CNTN5: variants seen among roughly 807,000 people sequenced by gnomAD.
CNTN5 encodes the protein contactin-5.
Under a neutral mutation model 129.1 loss-of-function variants are expected in CNTN5, and 77 were observed. That is an observed-to-expected ratio of 0.60 (90% confidence interval 0.50 to 0.72). The LOEUF is 0.72. CNTN5 is among the 30% of genes least tolerant of loss of function. The pLI, the probability that CNTN5 is intolerant of heterozygous loss-of-function variation, is 0.00. For missense variants in CNTN5, 1,478 were observed against 1,328.8 expected (o/e 1.11, Z -1.75); for synonymous variants, 509 against 465.6 (o/e 1.09, Z -1.20).
At chr11:99,548,664 T>A (rs1236658632) in intron 2 of CNTN5, among the ~76,000 whole-genome samples, 1 of 152,250 alleles carries the variant, frequency 6.6e-6, no homozygotes, top group Non-Finnish European at 1.5e-5. Flanking sequence ...TATTCTCATT[T>A]GTTTGTATCT....
intron 9 of CNTN5, among the ~76,000 whole-genome samples, chr11:100,042,727 T>C (rs946232399): frequency 1.3e-5 from 2 of 152,236 alleles, no homozygotes; most frequent in African/African-American, 2.4e-5. Context: ...ATCCTGTCAC[T>C]TTGATGGTGC....
chr11:100,227,830 C>T (rs1287922285), intron 16 of CNTN5, among the ~76,000 whole-genome samples: 9 of 151,998 alleles, frequency 5.9e-5, no homozygotes, highest in Non-Finnish European at 1.3e-4. Context: ...GAGTAGAACT[C>T]GATCATGCTA....
intron 1 of CNTN5, among the ~76,000 whole-genome samples, chr11:99,087,541 A>C (rs1224460636): frequency 6.6e-6 from 1 of 152,208 alleles, no homozygotes; most frequent in African/African-American, 2.4e-5. Flanking sequence ...TGGAAGGGAC[A>C]TAATACTCAT....
chr11:99,971,995 A>C (rs866267073), intron 8 of CNTN5, among the ~76,000 whole-genome samples: 110 of 150,132 alleles, frequency 7.3e-4, no homozygotes, highest in Non-Finnish European at 1.3e-3. Context: ...CACGCCTGTA[A>C]TCCCAGCACT....
At chr11:99,608,864 T>G (rs548359005) in intron 3 of CNTN5, among the ~76,000 whole-genome samples, 1 of 152,202 alleles carries the variant, frequency 6.6e-6, no homozygotes, top group Non-Finnish European at 1.5e-5. Context: ...TCAATAGTTA[T>G]GAATGTTCAT....
intron 3 of CNTN5, among the ~76,000 whole-genome samples, chr11:99,788,649 T>G (rs1375068522): frequency 1.3e-5 from 2 of 151,880 alleles, no homozygotes; most frequent in East Asian, 3.9e-4. Flanking sequence ...ACAACTTTAT[T>G]ATATATGCAG....
intron 2 of CNTN5, among the ~76,000 whole-genome samples, chr11:99,496,135 A>G (rs931652062): frequency 1.3e-5 from 2 of 152,220 alleles, no homozygotes; most frequent in Non-Finnish European, 2.9e-5. Context: ...GATTCTTTAT[A>G]CATGCTTATT....
chr11:99,997,504 C>T (rs543592791), intron 8 of CNTN5, among the ~76,000 whole-genome samples: 1 of 152,230 alleles, frequency 6.6e-6, no homozygotes, highest in Admixed American at 6.5e-5. Flanking sequence ...GCAATTGTGG[C>T]AATAATCAAT....
intron 13 of CNTN5, among the ~76,000 whole-genome samples, chr11:100,131,529 A>T (rs1946379396): frequency 6.6e-6 from 1 of 152,056 alleles, no homozygotes; most frequent in East Asian, 1.9e-4. Context: ...TGACACAAAA[A>T]GCCTGGACTT....
chr11:99,794,200 T>G (rs1052643391), intron 3 of CNTN5, among the ~76,000 whole-genome samples: 2 of 151,868 alleles, frequency 1.3e-5, no homozygotes, highest in African/African-American at 4.8e-5. Context: ...TTTTTTAATC[T>G]TCGTAGGCTT....
chr11:99,382,845 C>CTTTTTTTTTTT (rs1163660333), intron 2 of CNTN5, among the ~76,000 whole-genome samples: 4,614 of 76,652 alleles, frequency 0.06, 1,193 homozygotes, highest in East Asian at 0.083. Flanking sequence ...CTCTAAATAA[C>CTTTTTTTTTTT]TTTTTTTTTT....
intron 1 of CNTN5, among the ~76,000 whole-genome samples, chr11:99,133,302 C>T (rs1859039075): frequency 6.6e-6 from 1 of 151,784 alleles, no homozygotes; most frequent in African/African-American, 2.4e-5. Flanking sequence ...CATTAAAACC[C>T]TAGAAGAAAT....
chr11:99,830,806 T>C (rs1460596928), intron 4 of CNTN5, among the ~76,000 whole-genome samples: 2 of 152,164 alleles, frequency 1.3e-5, no homozygotes. Flanking sequence ...TAAGTATATG[T>C]GGTGTGAGCA....
At chr11:99,965,792 A>G (rs189124549) in intron 8 of CNTN5, among the ~76,000 whole-genome samples, 1 of 152,164 alleles carries the variant, frequency 6.6e-6, no homozygotes. Context: ...GTGGGAGTCT[A>G]AGTCTCTTTC....
In CNTN5 at chr11:100,282,907, T is replaced by C. The variant is rs138398324; in HGVS notation, c.2314+11666T>C. The stretch of plus-strand genomic sequence containing the variant: ...GGTAGTACTGCCAGTCTACTGCCAG[T>C]GTTCCCTTAAGGCCCAAGGTCTCTT... On this transcript the variant is annotated intron_variant, in intron 18 of 24. Coordinates refer to ENST00000524871, the MANE Select transcript of CNTN5 (RefSeq NM_014361.4). Among the ~76,000 whole-genome samples, 954 of 151,816 alleles carry C rather than the reference T, an allele frequency of 6.3e-3. 13 individuals are homozygous for C. The highest frequency in any genetic ancestry group is 0.022 in the African/African-American group (896 of 41,356).
chr11:100,057,037 A>C (rs2137780170), intron 9 of CNTN5, among the ~76,000 whole-genome samples: 1 of 151,662 alleles, frequency 6.6e-6, no homozygotes, highest in Admixed American at 6.6e-5. Context: ...CTGAAAGTAG[A>C]AAGTGTATAT....
intron 24 of CNTN5, among the ~76,000 whole-genome samples, chr11:100,352,701 C>A: frequency 6.6e-6 from 1 of 151,764 alleles, no homozygotes. Flanking sequence ...TGTGGTCACA[C>A]AAAAATTTAA....
In CNTN5 at chr11:99,179,228, G is replaced by A. The variant is rs1591318619; in HGVS notation, c.-209-146118G>A. Among the ~76,000 whole-genome samples the A allele has an allele frequency of 2.6e-5, 4 of 152,234 alleles. No homozygotes were observed. The South Asian group carries it at 8.3e-4, about 32-fold the overall frequency. On this transcript the variant is annotated intron_variant, in intron 1 of 24. Coordinates refer to ENST00000524871, the MANE Select transcript of CNTN5 (RefSeq NM_014361.4). ...GGGCCAAGGGAGGTAGATCACTTGAGGTCAGGACTTTCAGACCAGCCTGGC... is the reference window on the plus strand; with the variant it reads ...GGGCCAAGGGAGGTAGATCACTTGAAGTCAGGACTTTCAGACCAGCCTGGC...
intron 1 of CNTN5, among the ~76,000 whole-genome samples, chr11:99,302,894 A>G (rs1396521493): frequency 6.6e-6 from 1 of 151,348 alleles, no homozygotes; most frequent in East Asian, 1.9e-4. Context: ...AGACTTCACT[A>G]ATATTATTTA....
Sources: allele counts gnomAD v4.1 joint callset (sites outside exome capture counted in the v4.1 genomes callset), GRCh38; gene constraint gnomAD v4.1.1; transcripts MANE v1.5; gene names NCBI Gene and HGNC (gene_info 2026-07-23, HGNC 2026-07-21).